MMD: variants seen among roughly 807,000 people sequenced by gnomAD.
MMD encodes monocyte to macrophage differentiation associated.
Under a neutral mutation model 33.6 loss-of-function variants are expected in MMD, and 22 were observed. The observed-to-expected ratio is 0.66, with a 90% CI of 0.47 to 0.94. The LOEUF (loss-of-function observed/expected upper bound fraction) is 0.94, where lower values mean the gene tolerates loss of function less well. Among genes scored for constraint, MMD ranks in the 40% least tolerant of loss-of-function variants. The probability of loss-of-function intolerance (pLI) is 0.00; values close to 1 mark genes in which losing one functional copy is unlikely to be tolerated. For synonymous variants in MMD, 97 were observed against 103.2 expected (o/e 0.94, Z 0.36); for missense variants, 242 against 309.8 (o/e 0.78, Z 1.64).
chr17:55,398,592 TG>T (rs1394868453), intron 6 of MMD, among the ~76,000 whole-genome samples: 1 of 152,150 alleles, frequency 6.6e-6, no homozygotes, highest in Non-Finnish European at 1.5e-5. Flanking sequence ...TATTTACTTA[TG>T]GTACATGCTA....
chr17:55,404,735 C>T (rs1907477068), intron 4 of MMD: 1 of 985,118 alleles, frequency 1.0e-6, no homozygotes, highest in Non-Finnish European at 1.2e-6. Flanking sequence ...TTTTAAAATG[C>T]TGCAAATTCA....
At position 55,404,415 on chromosome 17, in the gene MMD, G is replaced by A. The variant is rs75917419; in HGVS notation, c.345-547C>T. 3,651 of 940,964 alleles carry A rather than the reference G, an allele frequency of 3.9e-3. 110 individuals are homozygous for A. The African/African-American group carries it at 0.058, about 15-fold the overall frequency. 58.3% of individuals were successfully genotyped at this position (940,964 alleles called of 1,614,324 possible). On this transcript the variant is annotated intron_variant, in intron 4 of 6. Transcript: ENST00000262065. ...AATAGAACCAGCTAAAAGCAGACAA[G>A]TTGAAGGGAGTCCCAGCACTCTTAT...
At chr17:55,395,206 G>A (rs532089567) in intron 6 of MMD, among the ~76,000 whole-genome samples, 1 of 152,360 alleles carries the variant, frequency 6.6e-6, no homozygotes, top group South Asian at 2.1e-4. Context: ...TCTTAGGGCA[G>A]AAGGGAGAAT....
intron 3 of MMD, among the ~76,000 whole-genome samples, chr17:55,410,430 G>C (rs1907716977): frequency 6.6e-6 from 1 of 152,118 alleles, no homozygotes; most frequent in Non-Finnish European, 1.5e-5. Flanking sequence ...TTGAAAAGAA[G>C]TTTTGCCCTT....
chr17:55,418,949 T>C lies in MMD; in HGVS notation c.26+2721A>G, dbSNP rs553906084. ...AACAAGAAGATACAGTAGAGCTCTG[T>C]GGATCTTATGCCTATAAGATCTGTG... On this transcript the variant is annotated intron_variant, in intron 1 of 6. Coordinates refer to ENST00000262065, the MANE Select transcript of MMD (RefSeq NM_012329.3). Among the ~76,000 whole-genome samples the C allele has an allele frequency of 2.5e-4, 38 of 152,308 alleles. 1 individual carries two copies. The East Asian group carries it at 7.3e-3, about 29-fold the overall frequency.
At chr17:55,400,844 T>C (rs545183008) in intron 6 of MMD, among the ~76,000 whole-genome samples, 39 of 152,182 alleles carry the variant, frequency 2.6e-4, no homozygotes, top group Non-Finnish European at 4.3e-4. Context: ...AATATATACA[T>C]GCAACTGCCT....
At chr17:55,402,039 G>A (rs530300947) in intron 5 of MMD, among the ~76,000 whole-genome samples, 43 of 139,094 alleles carry the variant, frequency 3.1e-4, no homozygotes, top group African/African-American at 1.2e-3. Context: ...AGCCGAGATC[G>A]CACCACTGCA....
chr17:55,400,304 T>C (rs1053252353), intron 6 of MMD, among the ~76,000 whole-genome samples: 5 of 152,144 alleles, frequency 3.3e-5, no homozygotes, highest in Non-Finnish European at 1.5e-5. Context: ...TCTCAGCACT[T>C]TGGGAGGCCG....
At chr17:55,412,485 G>C (rs1021888597) in intron 2 of MMD, among the ~76,000 whole-genome samples, 23 of 152,204 alleles carry the variant, frequency 1.5e-4, no homozygotes, top group African/African-American at 5.5e-4. Flanking sequence ...ATATGTGTAT[G>C]ACTATGACTA....
chr17:55,398,361 T>C (rs1907202635), intron 6 of MMD, among the ~76,000 whole-genome samples: 1 of 151,698 alleles, frequency 6.6e-6, no homozygotes, highest in Middle Eastern at 3.4e-3. Context: ...AGAATCTCCA[T>C]GTGGATTCTT....
In MMD at chr17:55,401,520, G is replaced by A; in HGVS notation, c.465C>T (p.Leu155=). 1 of 1,611,990 alleles carries A rather than the reference G, an allele frequency of 6.2e-7. No homozygotes were observed. The highest frequency in any genetic ancestry group is 8.5e-7 in the Non-Finnish European group (1 of 1,179,132). ...LYHEKYKVVE[L]FFYLTMGFSP... ...AGAATCCCATTGTGAGATAGAAAAA[G>A]AGTTCAACCACCTTATATCTGCAGG... Residue 155 remains leucine (L), a synonymous_variant, in exon 6 of 7, where the codon CTC becomes CTT. Coordinates refer to ENST00000262065, the MANE Select transcript of MMD (RefSeq NM_012329.3).
chr17:55,396,443 C>T (rs1254970091), intron 6 of MMD, among the ~76,000 whole-genome samples: 3 of 152,134 alleles, frequency 2.0e-5, no homozygotes, highest in African/African-American at 4.8e-5. Context: ...ATTGAAGCCT[C>T]CCGTCTTGCT....
intron 4 of MMD, among the ~76,000 whole-genome samples, chr17:55,406,771 A>C (rs551780677): frequency 3.7e-4 from 57 of 152,148 alleles, no homozygotes; most frequent in Non-Finnish European, 6.5e-4. Flanking sequence ...CTGTAGTCCC[A>C]GCTACTTGGG....
chr17:55,407,955 A>G (rs1907620316), intron 3 of MMD, 135 bp from the exon 4 acceptor site: 4 of 609,120 alleles, frequency 6.6e-6, no homozygotes, highest in Non-Finnish European at 1.1e-5. Context: ...CCAAGGTTAC[A>G]CAGATTTTTG....
At chr17:55,398,355 T>C (rs1907202233) in intron 6 of MMD, among the ~76,000 whole-genome samples, 1 of 151,496 alleles carries the variant, frequency 6.6e-6, no homozygotes, top group Non-Finnish European at 1.5e-5. Context: ...GGATCTAGAA[T>C]CTCCATGTGG....
In MMD at chr17:55,411,304, G is replaced by GA. The variant is rs770545725; in HGVS notation, c.221dup (p.Val75ArgfsTer26). 1 of 1,614,040 alleles carries GA rather than the reference G, an allele frequency of 6.2e-7. No individual in the cohort carries two copies. The highest frequency in any genetic ancestry group is 2.2e-5 in the East Asian group (1 of 44,884). Reference sequence around the variant, plus strand: ...ATACAATGTGAAATACTGTAGAAACGATGAAGAGGGCACAGAGTCCCATTC... The same window carrying GA: ...ATACAATGTGAAATACTGTAGAAACGAATGAAGAGGGCACAGAGTCCCATTC... On this transcript the variant is annotated frameshift_variant, in exon 3 of 7. Transcript: ENST00000262065. LOFTEE classifies it high-confidence loss of function.
chr17:55,417,532 T>C (rs1191813008), intron 1 of MMD, among the ~76,000 whole-genome samples: 1 of 152,162 alleles, frequency 6.6e-6, no homozygotes, highest in Non-Finnish European at 1.5e-5. Flanking sequence ...GGCTCACACC[T>C]GTAATCCCAG....
chr17:55,403,075 C>T (rs1907407353), intron 5 of MMD, among the ~76,000 whole-genome samples: 2 of 152,172 alleles, frequency 1.3e-5, no homozygotes, highest in East Asian at 3.8e-4. Flanking sequence ...GCAATGGAAT[C>T]AGAACTTGGA....
intron 6 of MMD, among the ~76,000 whole-genome samples, chr17:55,399,170 G>T (rs561462345): frequency 3.3e-5 from 5 of 152,148 alleles, no homozygotes; most frequent in African/African-American, 1.2e-4. Flanking sequence ...GGAAACTACT[G>T]GGGTGAATTC....
Sources: allele counts gnomAD v4.1 joint callset (sites outside exome capture counted in the v4.1 genomes callset), GRCh38; gene constraint gnomAD v4.1.1; transcripts MANE v1.5; gene names NCBI Gene and HGNC (gene_info 2026-07-23, HGNC 2026-07-21).